Variants in TMEM177 observed in about 807,000 individuals in gnomAD.
TMEM177 encodes the protein transmembrane protein 177.
TMEM177 carries 4 observed loss-of-function variants against 14.2 expected under a neutral mutation model. That is an observed-to-expected ratio of 0.28 (90% confidence interval 0.14 to 0.64). The LOEUF (loss-of-function observed/expected upper bound fraction) is 0.64. TMEM177 is among the 30% of genes least tolerant of loss of function. The pLI is 0.82. For missense variants in TMEM177, 344 were observed against 405.2 expected (o/e 0.85, Z 1.30); for synonymous variants, 179 against 174.5 (o/e 1.03, Z -0.20).
rs376078329 is a variant in TMEM177, at chr2:119,680,948, T to C, written c.95T>C (p.Ile32Thr). ...TGTGCAGGCCTGTTTGGAGTTCCAATCTCGTACCACCTCTTCCCGGATCCC... is the reference window on the plus strand; with the variant it reads ...TGTGCAGGCCTGTTTGGAGTTCCAACCTCGTACCACCTCTTCCCGGATCCC... ...GSCAGLFGVP[I>T]SYHLFPDPVV... is the part of the protein sequence containing the mutation. Residue 32 changes from isoleucine to threonine, a missense_variant, in exon 2 of 2, where the codon ATC (isoleucine) becomes ACC (threonine). Transcript: ENST00000272521. The C allele has an allele frequency of 6.2e-7, 1 of 1,614,188 alleles. No homozygotes were observed. The highest frequency in any genetic ancestry group is 1.3e-5 in the African/African-American group (1 of 75,058).
downstream of TMEM177, among the ~76,000 whole-genome samples, chr2:119,688,925 C>T (rs1334837122): frequency 1.3e-5 from 2 of 152,166 alleles, no homozygotes; most frequent in Admixed American, 6.5e-5. Context: ...TTTCCACCAG[C>T]GATGGAGCGT....
Position 119,682,063 on chromosome 2 carries a change from T to G in TMEM177, c.*274T>G. The stretch of plus-strand genomic sequence containing the variant: ...AAGATTGTAGAGTTGGGTAAGGTCA[T>G]GAACATAAGGGCCTGGCACAAAGGG... On this transcript the variant is annotated 3_prime_UTR_variant, in exon 2 of 2. Transcript: ENST00000272521. The G allele has an allele frequency of 2.4e-6, 1 of 412,284 alleles. No individual in the cohort carries two copies. The highest frequency in any genetic ancestry group is 5.6e-5 in the South Asian group (1 of 17,840). 25.5% of individuals were successfully genotyped at this position (412,284 alleles called of 1,614,324 possible). A position where few individuals can be genotyped will look rare whatever the true frequency, so the allele number is the denominator to read the frequency against.
At chr2:119,702,931 G>T in the TMEM177 span, among the ~76,000 whole-genome samples, 1 of 152,224 alleles carries the variant, frequency 6.6e-6, no homozygotes, top group African/African-American at 2.4e-5. Flanking sequence ...CAGAGCCTGG[G>T]TGCATACTAT....
chr2:119,688,335 A>G (rs1689047454), downstream of TMEM177, among the ~76,000 whole-genome samples: 2 of 152,222 alleles, frequency 1.3e-5, no homozygotes, highest in African/African-American at 4.8e-5. Flanking sequence ...TTAGCACTAT[A>G]TATATTTACG....
the TMEM177 span, among the ~76,000 whole-genome samples, chr2:119,703,039 G>C: frequency 1.6e-4 from 25 of 152,334 alleles, no homozygotes; most frequent in Non-Finnish European, 3.2e-4. Context: ...AGCTCACCGT[G>C]GCCCAGGGCG....
At chr2:119,694,648 A>G in the TMEM177 span, among the ~76,000 whole-genome samples, 3 of 152,316 alleles carry the variant, frequency 2.0e-5, no homozygotes, top group Non-Finnish European at 2.9e-5. Context: ...GGTGGATTTC[A>G]TATGCGCAGG....
chr2:119,715,905 C>T, the TMEM177 span, among the ~76,000 whole-genome samples: 29 of 152,132 alleles, frequency 1.9e-4, no homozygotes, highest in Non-Finnish European at 2.4e-4. Flanking sequence ...TAGGCAACCC[C>T]GCGTCAGAGG....
At chr2:119,699,468 C>T in the TMEM177 span, among the ~76,000 whole-genome samples, 1 of 152,078 alleles carries the variant, frequency 6.6e-6, no homozygotes, top group African/African-American at 2.4e-5. Flanking sequence ...GGCTCGCAGA[C>T]AATTTGAATG....
chr2:119,681,857 G>A lies in TMEM177; in HGVS notation c.*68G>A. On this transcript the variant is annotated 3_prime_UTR_variant, in exon 2 of 2. Coordinates refer to ENST00000272521, the MANE Select transcript of TMEM177 (RefSeq NM_030577.3). ...CCTGCCATTGAGTCTGGAGGGCCCT[G>A]TTGGAGCCTTTGGACCTATAGCTCA... 1 of 1,494,374 alleles carries A rather than the reference G, an allele frequency of 6.7e-7. No homozygotes were observed. Among genetic ancestry groups the A allele is most frequent in the Non-Finnish European group, 9.2e-7 (1 of 1,092,526 alleles). 92.6% of individuals were successfully genotyped at this position (1,494,374 alleles called of 1,614,324 possible).
At chr2:119,709,482 C>G in the TMEM177 span, among the ~76,000 whole-genome samples, 1 of 152,088 alleles carries the variant, frequency 6.6e-6, no homozygotes, top group Non-Finnish European at 1.5e-5. Context: ...CCAAGACCAG[C>G]CTGGGCAACA....
At chr2:119,691,004 C>A (rs1436917906), downstream of TMEM177, among the ~76,000 whole-genome samples, 10 of 152,228 alleles carry the variant, frequency 6.6e-5, no homozygotes, top group Admixed American at 5.9e-4. Flanking sequence ...ATTGGGAAGG[C>A]CCTTCTGGTT....
chr2:119,704,083 A>G, the TMEM177 span, among the ~76,000 whole-genome samples: 1 of 152,228 alleles, frequency 6.6e-6, no homozygotes, highest in South Asian at 2.1e-4. Context: ...ATTTCACTAA[A>G]CCCTCACAGC....
At chr2:119,680,807 C>T in intron 1 of TMEM177, 25 bp from the exon 2 acceptor site, 1 of 1,571,450 alleles carries the variant, frequency 6.4e-7, no homozygotes, top group Non-Finnish European at 8.7e-7. Context: ...GGGAAACTGG[C>T]TGACTTCTCT....
chr2:119,703,432 G>A, the TMEM177 span, among the ~76,000 whole-genome samples: 2 of 152,120 alleles, frequency 1.3e-5, no homozygotes, highest in Non-Finnish European at 1.5e-5. Flanking sequence ...GGGCAAAGAT[G>A]CCCATCACAC....
downstream of TMEM177, chr2:119,686,156 T>C (rs963656816): frequency 1.9e-5 from 3 of 157,686 alleles, no homozygotes; most frequent in Non-Finnish European, 4.2e-5. Context: ...TGGTCCTGAG[T>C]TTCCTGTCTG....
At chr2:119,685,729 A>T (rs1429835383), downstream of TMEM177, 4 of 718,086 alleles carry the variant, frequency 5.6e-6, no homozygotes, top group South Asian at 5.9e-5. Context: ...CAGAACAAGG[A>T]TTTGAAGCTG....
downstream of TMEM177, among the ~76,000 whole-genome samples, chr2:119,683,323 G>A (rs781330956): frequency 3.3e-5 from 5 of 152,202 alleles, no homozygotes; most frequent in Non-Finnish European, 7.3e-5. Flanking sequence ...CACGGGCTTG[G>A]AATACATAGG....
At chr2:119,721,670 A>G in the TMEM177 span, among the ~76,000 whole-genome samples, 1 of 152,124 alleles carries the variant, frequency 6.6e-6, no homozygotes, top group African/African-American at 2.4e-5. Flanking sequence ...GGGTATTTGT[A>G]TTTGCATCTG....
downstream of TMEM177, among the ~76,000 whole-genome samples, chr2:119,690,439 T>C (rs1001878380): frequency 2.0e-5 from 3 of 152,174 alleles, no homozygotes; most frequent in Non-Finnish European, 4.4e-5. Flanking sequence ...TTTATAACAA[T>C]GCGAGAATGA....
Sources: gnomAD v4.1 joint callset for allele counts (sites outside exome capture counted in the v4.1 genomes callset) on GRCh38, gnomAD v4.1.1 for gene constraint, MANE v1.5 for transcripts, NCBI Gene and HGNC (gene_info 2026-07-23, HGNC 2026-07-21) for gene names.